The following TEX9 variants were observed in gnomAD, a reference collection of about 807,000 sequenced individuals.
TEX9 encodes the protein testis-expressed protein 9.
In TEX9, 74 loss-of-function variants were observed where a neutral mutation model predicts 59.6. The observed-to-expected ratio is 1.24, with a 90% CI of 1.03 to 1.51. TEX9 has a LOEUF of 1.51. TEX9 is among the 40% of genes most tolerant of loss of function. TEX9 has a pLI of 0.00. For synonymous variants in TEX9, 186 were observed against 152.2 expected, an observed-to-expected ratio of 1.22 and a Z score of -1.64; for missense variants, 522 against 447.8, an observed-to-expected ratio of 1.17 and a Z score of -1.49.
chr15:56,392,675 G>C (rs868436427), intron 7 of TEX9, among the ~76,000 whole-genome samples: 2 of 152,132 alleles, frequency 1.3e-5, no homozygotes, highest in South Asian at 4.2e-4. Flanking sequence ...GTAGGGAGCA[G>C]TTTTCTTCTG....
At chr15:56,287,770 G>C (rs571127071) in intron 1 of TEX9, among the ~76,000 whole-genome samples, 6 of 152,188 alleles carry the variant, frequency 3.9e-5, no homozygotes, top group African/African-American at 1.4e-4. Flanking sequence ...GAGAACATAT[G>C]GTATTTGTTC....
chr15:56,277,137 T>C (rs1391487086), intron 1 of TEX9, among the ~76,000 whole-genome samples: 2 of 152,180 alleles, frequency 1.3e-5, no homozygotes, highest in Admixed American at 6.5e-5. Flanking sequence ...AGTCTGATGA[T>C]AGTTTTTTTG....
At chr15:56,305,157 T>C (rs1395603323) in intron 1 of TEX9, among the ~76,000 whole-genome samples, 5 of 152,234 alleles carry the variant, frequency 3.3e-5, no homozygotes, top group African/African-American at 1.2e-4. Flanking sequence ...AAATATTCTA[T>C]GTTCATGGAT....
At chr15:56,246,160 A>G (rs2043851344) in intron 1 of TEX9, among the ~76,000 whole-genome samples, 1 of 152,222 alleles carries the variant, frequency 6.6e-6, no homozygotes, top group Non-Finnish European at 1.5e-5. Context: ...AATGGGTTCC[A>G]TAAAAGAGCC....
chr15:56,430,794 C>A (rs1486900454), intron 12 of TEX9, among the ~76,000 whole-genome samples: 1 of 152,308 alleles, frequency 6.6e-6, no homozygotes, highest in African/African-American at 2.4e-5. Flanking sequence ...CATACACATT[C>A]TCATCTTTGG....
intron 1 of TEX9, among the ~76,000 whole-genome samples, chr15:56,340,055 A>G (rs963035202): frequency 2.0e-5 from 3 of 152,176 alleles, no homozygotes; most frequent in East Asian, 3.9e-4. Flanking sequence ...GATGGGTACC[A>G]CTAAGCCTGT....
In TEX9 at chr15:56,252,379, CTTT is replaced by C. The variant is rs3050136; in HGVS notation, c.-107+8115_-107+8117del. On this transcript the variant is annotated intron_variant, in intron 1 of 5. Transcript: ENST00000560827. ...TGTTGAATTGAGCTATTAGAAAAACCTTTTTTTTTTTTTTTTGTCCAGGCCACA... is the reference window on the plus strand; with the variant it reads ...TGTTGAATTGAGCTATTAGAAAAACCTTTTTTTTTTTTTGTCCAGGCCACA... 2.0e-3 allele frequency among the ~76,000 whole-genome samples: 234 copies of C among 119,704 alleles called. 2 individuals carry two copies. The highest frequency in any genetic ancestry group is 7.0e-3 in the African/African-American group (220 of 31,550). The allele number at this position is 119,704 out of a possible 152,430, so 78.5% of individuals were successfully genotyped here.
chr15:56,447,480 CTG>C (rs1344095956), downstream of TEX9: 5 of 151,912 alleles, frequency 3.3e-5, no homozygotes, highest in East Asian at 1.9e-4. Flanking sequence ...ATGTTTATAT[CTG>C]TGTTTTATTT....
Position 56,305,749 on chromosome 15 carries a change from G to A in TEX9, c.-107+61471G>A, listed in dbSNP as rs534772011. On this transcript the variant is annotated intron_variant, in intron 1 of 5. Transcript: ENST00000560827. ...TGAGTAATACCCCATGAGCACAGGT[G>A]GTCAAAGCAAAAATGGACAAATGGG... 9.2e-5 allele frequency among the ~76,000 whole-genome samples: 14 copies of A among 152,066 alleles called. No individual in the cohort carries two copies. In the South Asian group the frequency reaches 1.0e-3, roughly 11 times the overall value.
At chr15:56,267,325 A>G (rs956288449) in intron 1 of TEX9, among the ~76,000 whole-genome samples, 20 of 152,016 alleles carry the variant, frequency 1.3e-4, no homozygotes, top group African/African-American at 4.8e-4. Context: ...GAAGCTCTTT[A>G]GTTTAATTAG....
At chr15:56,373,877 G>A (rs1337333113) in intron 3 of TEX9, among the ~76,000 whole-genome samples, 1 of 151,938 alleles carries the variant, frequency 6.6e-6, no homozygotes, top group Admixed American at 6.6e-5. Flanking sequence ...TCCTCCCTAT[G>A]CCCCAAAATG....
At chr15:56,334,610 A>G (rs139397982) in intron 1 of TEX9, among the ~76,000 whole-genome samples, 7 of 152,284 alleles carry the variant, frequency 4.6e-5, no homozygotes, top group East Asian at 1.9e-4. Context: ...TTCTTGAGTA[A>G]TACCCCATAA....
At chr15:56,391,553 TGTG>T in intron 7 of TEX9, 135 bp downstream of exon 7, 1 of 553,828 alleles carries the variant, frequency 1.8e-6, no homozygotes, top group Non-Finnish European at 2.8e-6. Context: ...TCTAGTAGGA[TGTG>T]GTGGAGGGAG....
chr15:56,437,001 C>T (rs2050737338), intron 12 of TEX9, among the ~76,000 whole-genome samples: 1 of 152,152 alleles, frequency 6.6e-6, no homozygotes, highest in South Asian at 2.1e-4. Context: ...CAGATGGATT[C>T]ACAGCCGAAT....
chr15:56,443,033 A>C (rs756763916), intron 12 of TEX9, among the ~76,000 whole-genome samples: 13 of 152,108 alleles, frequency 8.5e-5, no homozygotes, highest in Non-Finnish European at 1.5e-4. Context: ...TAGGACTATG[A>C]CATCTTCTAG....
At chr15:56,421,014 C>T (rs8035247) in intron 10 of TEX9, among the ~76,000 whole-genome samples, 3,742 of 151,780 alleles carry the variant, frequency 0.025, 244 homozygotes, top group African/African-American at 0.087. Context: ...AATGTGCATT[C>T]TGTATTTGTT....
upstream of TEX9, among the ~76,000 whole-genome samples, chr15:56,361,623 T>C (rs1445647459): frequency 6.6e-6 from 1 of 152,164 alleles, no homozygotes; most frequent in Non-Finnish European, 1.5e-5. Flanking sequence ...TACCATATAT[T>C]GAAGTCCTAA....
chr15:56,374,823 G>T (rs549614280), intron 3 of TEX9, among the ~76,000 whole-genome samples: 2 of 152,034 alleles, frequency 1.3e-5, no homozygotes, highest in Non-Finnish European at 2.9e-5. Context: ...TTTGTGCCTG[G>T]CTTATTTCAC....
chr15:56,379,668 G>A (rs1166719666), intron 3 of TEX9, among the ~76,000 whole-genome samples: 1 of 152,134 alleles, frequency 6.6e-6, no homozygotes, highest in African/African-American at 2.4e-5. Flanking sequence ...CTGTATTGTG[G>A]TCTAGCTCTC....
Sources: gnomAD v4.1 joint callset for allele counts (sites outside exome capture counted in the v4.1 genomes callset) on GRCh38, gnomAD v4.1.1 for gene constraint, MANE v1.5 for transcripts, NCBI Gene and HGNC (gene_info 2026-07-23, HGNC 2026-07-21) for gene names.